PTPRK: variants seen among roughly 807,000 people sequenced by gnomAD.
PTPRK encodes receptor-type tyrosine-protein phosphatase kappa.
A neutral mutation model predicts 178.0 loss-of-function variants in PTPRK; 75 were observed. The ratio of observed to expected loss-of-function variants is 0.42; its 90% confidence interval spans 0.35 to 0.51. The LOEUF is 0.51. PTPRK is among the 20% of genes least tolerant of loss of function. The pLI, the probability that PTPRK is intolerant of heterozygous loss-of-function variation, is 0.02. For missense variants in PTPRK, 1,441 were observed against 1,797.8 expected, an observed-to-expected ratio of 0.80 and a Z score of 3.59; for synonymous variants, 637 against 620.6, an observed-to-expected ratio of 1.03 and a Z score of -0.39.
At chr6:128,305,504 T>C (rs988240629) in intron 3 of PTPRK, among the ~76,000 whole-genome samples, 3 of 152,168 alleles carry the variant, frequency 2.0e-5, no homozygotes, top group Non-Finnish European at 4.4e-5. Context: ...GCATTACTTT[T>C]CTCTGGCTGA....
chr6:128,280,263 T>C (rs1821459997), intron 3 of PTPRK, among the ~76,000 whole-genome samples: 1 of 152,160 alleles, frequency 6.6e-6, no homozygotes, highest in African/African-American at 2.4e-5. Flanking sequence ...CCTGTAAAGT[T>C]AGGGACAGAG....
chr6:127,981,835 T>C (rs906223165), intron 24 of PTPRK, among the ~76,000 whole-genome samples: 6 of 152,274 alleles, frequency 3.9e-5, no homozygotes, highest in Non-Finnish European at 1.5e-5. Flanking sequence ...ATTATTACTA[T>C]TATTATTTTT....
Position 128,067,551 on chromosome 6 carries a change from T to C in PTPRK, c.2125A>G (p.Ile709Val). Residue 709 changes from isoleucine to valine, a missense_variant, in exon 12 of 30, where the codon ATC (isoleucine) becomes GTC (valine). By Grantham distance (29) the Ile-to-Val change is conservative. Coordinates refer to ENST00000368226, the MANE Select transcript of PTPRK (RefSeq NM_002844.4). Reference protein sequence around the residue: ...PPLAPRKGYNIYFQAMSSVEK... With the variant: ...PPLAPRKGYNVYFQAMSSVEK... ...ACACTGCTCATCGCCTGGAAATAGA[T>C]GTTGTATCCTTTGCGCGGAGCCAAA... is the stretch of plus-strand genomic sequence containing the variant. 1 of 1,585,682 alleles carries C rather than the reference T, an allele frequency of 6.3e-7. No homozygotes were observed. The highest frequency in any genetic ancestry group is 8.6e-7 in the Non-Finnish European group (1 of 1,161,136).
intron 3 of PTPRK, among the ~76,000 whole-genome samples, chr6:128,299,961 G>A (rs911665852): frequency 1.8e-4 from 28 of 151,934 alleles, no homozygotes; most frequent in Middle Eastern, 3.4e-3. Flanking sequence ...GAAAATTTTC[G>A]CAACCTACTC....
At chr6:128,426,350 G>C (rs1006034618) in intron 1 of PTPRK, among the ~76,000 whole-genome samples, 2 of 152,082 alleles carry the variant, frequency 1.3e-5, no homozygotes, top group African/African-American at 4.8e-5. Flanking sequence ...AGAGAACACT[G>C]TTTCTATTTT....
intron 7 of PTPRK, 92 bp downstream of exon 7, chr6:128,184,340 T>C (rs1802414347): frequency 8.1e-7 from 1 of 1,241,464 alleles, no homozygotes; most frequent in Non-Finnish European, 1.1e-6. Context: ...ATATCATATA[T>C]CAAATAATGA....
chr6:128,452,166 G>C (rs948979779), intron 1 of PTPRK, among the ~76,000 whole-genome samples: 3 of 152,120 alleles, frequency 2.0e-5, no homozygotes, highest in African/African-American at 7.2e-5. Context: ...TACAGTTCTA[G>C]TGCCACCTTT....
intron 13 of PTPRK, among the ~76,000 whole-genome samples, chr6:128,037,098 C>A (rs1162346035): frequency 6.6e-6 from 1 of 152,094 alleles, no homozygotes; most frequent in African/African-American, 2.4e-5. Flanking sequence ...ACCTCCCTCG[C>A]CTTTTTCCTT....
intron 5 of PTPRK, chr6:128,232,174 G>T (rs148706045): frequency 6.6e-6 from 1 of 152,210 alleles, no homozygotes; most frequent in Non-Finnish European, 1.5e-5. Flanking sequence ...TACACACGAC[G>T]TGCTTTCTGC....
Position 128,125,602 on chromosome 6 carries a change from C to CTTTTTTTTTTTTTTTTTTTTT in PTPRK, c.1163-35631_1163-35611dup, listed in dbSNP as rs869038931. 2.9e-5 allele frequency among the ~76,000 whole-genome samples: 2 copies of CTTTTTTTTTTTTTTTTTTTTT among 68,380 alleles called. 1 individual carries two copies. The highest frequency in any genetic ancestry group is 1.2e-4 in the African/African-American group (2 of 16,446). The allele number at this position is 68,380 out of a possible 152,430, so 44.9% of individuals were successfully genotyped here. ...CTAATACACTTGCCTTTGGGCTTTT[C>CTTTTTTTTTTTTTTTTTTTTT]TTTTTTTTTTTTTTTTTTTTTTTTT... On this transcript the variant is annotated intron_variant, in intron 7 of 29. Transcript: ENST00000368226.
intron 7 of PTPRK, among the ~76,000 whole-genome samples, chr6:128,144,175 T>C (rs1796159665): frequency 6.6e-6 from 1 of 152,152 alleles, no homozygotes; most frequent in African/African-American, 2.4e-5. Flanking sequence ...TCAAACATGA[T>C]GCTTCTCAGA....
intron 7 of PTPRK, among the ~76,000 whole-genome samples, chr6:128,119,131 T>C (rs1266191746): frequency 1.3e-5 from 2 of 152,156 alleles, no homozygotes; most frequent in Non-Finnish European, 2.9e-5. Flanking sequence ...AGTAATTAAA[T>C]GGAATCTAAG....
rs57723685 is a variant in PTPRK, at chr6:128,503,842, T to TTGTGTGTGTGTGTG, written c.100+16403_100+16416dup. ...CATGCACCACTATGCCTGGTTATTA[T>TTGTGTGTGTGTGTG]TGTGTGTGTGTGTGTGTGTGTGTGT... is the stretch of plus-strand genomic sequence containing the variant. On this transcript the variant is annotated intron_variant, in intron 1 of 29. Transcript: ENST00000368226. 6.0e-3 allele frequency among the ~76,000 whole-genome samples: 841 copies of TTGTGTGTGTGTGTG among 139,944 alleles called. 6 individuals are homozygous for TTGTGTGTGTGTGTG. The highest frequency in any genetic ancestry group is 0.019 in the African/African-American group (711 of 36,790). The allele number at this position is 139,944 out of a possible 152,430, so 91.8% of individuals were successfully genotyped here. A position where few individuals can be genotyped will look rare whatever the true frequency, so the allele number is the denominator to read the frequency against.
intron 2 of PTPRK, among the ~76,000 whole-genome samples, chr6:128,359,318 G>C (rs1163720118): frequency 6.6e-6 from 1 of 152,166 alleles, no homozygotes; most frequent in Non-Finnish European, 1.5e-5. Flanking sequence ...ATCTAGCCAA[G>C]GCAGTATTTT....
intron 1 of PTPRK, among the ~76,000 whole-genome samples, chr6:128,452,768 T>C (rs1280988001): frequency 6.6e-6 from 1 of 152,210 alleles, no homozygotes. Flanking sequence ...TTGGGCCATA[T>C]TCTATAAAAC....
chr6:128,417,120 T>A (rs1413556182), intron 1 of PTPRK, among the ~76,000 whole-genome samples: 1 of 151,844 alleles, frequency 6.6e-6, no homozygotes, highest in Non-Finnish European at 1.5e-5. Flanking sequence ...CCCCTTTTTT[T>A]ATATAGTACT....
intron 1 of PTPRK, among the ~76,000 whole-genome samples, chr6:128,398,003 C>G (rs1241488664): frequency 1.3e-5 from 2 of 152,134 alleles, no homozygotes; most frequent in Non-Finnish European, 2.9e-5. Flanking sequence ...GGTAGAGGAT[C>G]TTGACTGCAA....
intron 13 of PTPRK, among the ~76,000 whole-genome samples, chr6:128,058,007 G>A (rs931360342): frequency 2.0e-5 from 3 of 152,130 alleles, no homozygotes; most frequent in Non-Finnish European, 4.4e-5. Context: ...GTCATAGTTT[G>A]CATTCTTTGC....
intron 7 of PTPRK, among the ~76,000 whole-genome samples, chr6:128,138,130 G>A (rs939365211): frequency 1.3e-5 from 2 of 151,988 alleles, no homozygotes; most frequent in Non-Finnish European, 2.9e-5. Context: ...ACCTGGTCCC[G>A]AAATTAAAGA....
Sources: gnomAD v4.1 joint callset for allele counts (sites outside exome capture counted in the v4.1 genomes callset) on GRCh38, gnomAD v4.1.1 for gene constraint, MANE v1.5 for transcripts, NCBI Gene and HGNC (gene_info 2026-07-23, HGNC 2026-07-21) for gene names.